CTAGE1: variants seen among roughly 807,000 people sequenced by gnomAD.
The protein encoded by CTAGE1 is cutaneous T cell lymphoma-associated antigen 1.
For missense variants in CTAGE1, 963 were observed against 855.9 expected (o/e 1.13, Z -1.56); for synonymous variants, 332 against 302.8 (o/e 1.10, Z -1.00).
Position 22,417,908 on chromosome 18 carries a change from G to T in CTAGE1, c.-97C>A. 8.3e-7 allele frequency: 1 copy of T among 1,210,920 alleles called. No homozygotes were observed. 75.0% of individuals were successfully genotyped at this position (1,210,920 alleles called of 1,614,324 possible). ...CCCTAGGCTCCTCCGTAGCGCCAAG[G>T]CTGCTCTGGCGGTTGCTGCAGTAAC... is the stretch of plus-strand genomic sequence containing the variant. On this transcript the variant is annotated 5_prime_UTR_variant, in exon 1 of 1. Transcript: ENST00000391403.
In CTAGE1 at chr18:22,414,849, A is replaced by T. The variant is rs763532215; in HGVS notation, c.*725T>A. On this transcript the variant is annotated 3_prime_UTR_variant, in exon 1 of 1. Coordinates refer to ENST00000391403, the MANE Select transcript of CTAGE1 (RefSeq NM_172241.3). ...CACAATTATGTAATGATATGATGAC[A>T]AACATAGGAAGAAATTAGCTTAGGG... 1.4e-6 allele frequency: 1 copy of T among 699,288 alleles called. No individual in the cohort carries two copies. Among genetic ancestry groups the T allele is most frequent in the South Asian group, 1.5e-5 (1 of 66,616 alleles). 43.3% of individuals were successfully genotyped at this position (699,288 alleles called of 1,614,324 possible). A position where few individuals can be genotyped will look rare whatever the true frequency, so the allele number is the denominator to read the frequency against.
chr18:22,416,375 T>A lies in CTAGE1; in HGVS notation c.1437A>T (p.Thr479=), dbSNP rs1364696831. The A allele has an allele frequency of 3.1e-6, 5 of 1,613,764 alleles. No individual in the cohort carries two copies. In the Admixed American group the frequency reaches 8.3e-5, roughly 27 times the overall value. ...ATGGGGAATGCTGTCTGCCAAATGC[T>A]GTATTTGGAACATCAAGTCCATAAG... The part of the protein sequence containing the change: ...KDPYGLDVPN[T]AFGRQHSPYG... Residue 479 remains threonine (T), a synonymous_variant, in exon 1 of 1, where the codon ACA becomes ACT. Coordinates refer to ENST00000391403, the MANE Select transcript of CTAGE1 (RefSeq NM_172241.3).
rs1424876909 is a variant in CTAGE1, at chr18:22,414,797, A to G, written c.*777T>C. 1.4e-6 allele frequency: 1 copy of G among 702,790 alleles called. No homozygotes were observed. Among genetic ancestry groups the G allele is most frequent in the Non-Finnish European group, 2.6e-6 (1 of 384,966 alleles). 43.5% of individuals were successfully genotyped at this position (702,790 alleles called of 1,614,324 possible). ...TTCTGGATAAAGTTGTTCCCACCAA[A>G]TAAAAATAAAACAAAAGAAATAACA... is the stretch of plus-strand genomic sequence containing the variant. On this transcript the variant is annotated 3_prime_UTR_variant, in exon 1 of 1. Transcript: ENST00000391403.
In CTAGE1 at chr18:22,417,474, T is replaced by C. The variant is rs892656855; in HGVS notation, c.338A>G (p.His113Arg). The C allele has an allele frequency of 2.5e-6, 4 of 1,613,914 alleles. No homozygotes were observed. In the African/African-American group the frequency reaches 4.0e-5, roughly 16 times the overall value. The change falls in exon 1 of 1, where the codon CAT (histidine) becomes CGT (arginine). Residue 113 changes from histidine (H) to arginine (R), a missense_variant. His to Arg is a conservative substitution (Grantham distance 29). Transcript: ENST00000391403. ...KLNRFNSELV[H>R]EILCLEKELK... ...CTCTTTTTCTAGACAGAGTATTTCA[T>C]GCACAAGTTCAGAATTGAACCTGTT...
chr18:22,414,702 A>G lies in CTAGE1; in HGVS notation c.*872T>C. 1.4e-6 allele frequency: 1 copy of G among 703,036 alleles called. No homozygotes were observed. Among genetic ancestry groups the G allele is most frequent in the East Asian group, 2.7e-5 (1 of 37,276 alleles). 43.5% of individuals were successfully genotyped at this position (703,036 alleles called of 1,614,324 possible). On this transcript the variant is annotated 3_prime_UTR_variant, in exon 1 of 1. Coordinates refer to ENST00000391403, the MANE Select transcript of CTAGE1 (RefSeq NM_172241.3). ...AACATAAAACTAAAACTATTAGAAC[A>G]CCAACAGAGGTAAAGGTTGGGAAAG... is the stretch of plus-strand genomic sequence containing the variant.
At position 22,416,444 on chromosome 18, in the gene CTAGE1, T is replaced by A. The variant is rs1415264716; in HGVS notation, c.1368A>T (p.Lys456Asn). 2 of 1,613,876 alleles carry A rather than the reference T, an allele frequency of 1.2e-6. No individual in the cohort carries two copies. Among genetic ancestry groups the A allele is most frequent in the Non-Finnish European group, 1.7e-6 (2 of 1,179,960 alleles). The change falls in exon 1 of 1, where the codon AAA becomes AAT. Residue 456 changes from lysine to asparagine, a missense_variant. Physicochemically the swap from Lys to Asn is moderately conservative, Grantham distance 94 (BLOSUM62 0). Transcript: ENST00000391403. ...TTATTTTAAACTCTATTTCAGTTAA[T>A]TTTTGTCTGTTGTGAGCATTTTCTT... ...LRKENAHNRQ[K>N]LTEIEFKIKL...
At position 22,416,346 on chromosome 18, in the gene CTAGE1, C is replaced by T; in HGVS notation, c.1466G>A (p.Gly489Asp). The change falls in exon 1 of 1, where the codon GGT becomes GAT. Residue 489 changes from glycine to aspartate, a missense_variant. Gly to Asp is a moderately conservative substitution (Grantham distance 94). Coordinates refer to ENST00000391403, the MANE Select transcript of CTAGE1 (RefSeq NM_172241.3). ...TAFGRQHSPY[G>D]PSPLGWPSSE... Reference sequence around the variant, plus strand: ...TGAAGGCCAACCCAATGGTGAGGGACCATATGGGGAATGCTGTCTGCCAAA... The same window carrying T: ...TGAAGGCCAACCCAATGGTGAGGGATCATATGGGGAATGCTGTCTGCCAAA... 6.2e-7 allele frequency: 1 copy of T among 1,613,926 alleles called. No individual in the cohort carries two copies. The highest frequency in any genetic ancestry group is 1.1e-5 in the South Asian group (1 of 91,068).
chr18:22,416,834 A>G lies in CTAGE1; in HGVS notation c.978T>C (p.Asn326=). ...GCAAAGATGCTTGTTCAGTCTGAAG[A>G]TTTTTAATATGCTCTGTAAGCTCTT... ...TKEELTEHIK[N]LQTEQASLQS... The change falls in exon 1 of 1, where the codon AAT becomes AAC. Residue 326 remains asparagine, a synonymous_variant. Transcript: ENST00000391403. The G allele has an allele frequency of 6.2e-7, 1 of 1,612,780 alleles. No individual in the cohort carries two copies. The highest frequency in any genetic ancestry group is 8.5e-7 in the Non-Finnish European group (1 of 1,179,808).
chr18:22,417,349 A>T lies in CTAGE1; in HGVS notation c.463T>A (p.Ser155Thr). The T allele has an allele frequency of 1.9e-6, 3 of 1,613,778 alleles. No homozygotes were observed. Among genetic ancestry groups the T allele is most frequent in the Non-Finnish European group, 2.5e-6 (3 of 1,179,796 alleles). Residue 155 changes from serine to threonine, a missense_variant, in exon 1 of 1, where the codon TCA becomes ACA. Physicochemically the swap from Ser to Thr is moderately conservative, Grantham distance 58 (BLOSUM62 1). Transcript: ENST00000391403. ...GTCATTTTGGCTTCAGCTACTTGTG[A>T]TTTGAGGGATTTTGACTCATCTTCT... ...SLEDESKSLK[S>T]QVAEAKMTFK...
rs1394711235 is a variant in CTAGE1 at position 22,413,768 on chromosome 18, G to A, written c.*1806C>T. On this transcript the variant is annotated 3_prime_UTR_variant, in exon 1 of 1. Transcript: ENST00000391403. ...AAGTAACGTTTTCAATCTCATTCAG[G>A]CCTATTCTGGGGAAAGGTGGCAAAG... 3.3e-5 allele frequency: 5 copies of A among 152,202 alleles called. No homozygotes were observed. Among genetic ancestry groups the A allele is most frequent in the Admixed American group, 3.3e-4 (5 of 15,280 alleles). 9.4% of individuals were successfully genotyped at this position (152,202 alleles called of 1,614,324 possible). A position where few individuals can be genotyped will look rare whatever the true frequency, so the allele number is the denominator to read the frequency against.
At position 22,414,680 on chromosome 18, in the gene CTAGE1, ATAAAAC is replaced by A. The variant is rs2034988066; in HGVS notation, c.*888_*893del. 2 of 702,848 alleles carry A rather than the reference ATAAAAC, an allele frequency of 2.8e-6. No homozygotes were observed. Among genetic ancestry groups the A allele is most frequent in the African/African-American group, 3.5e-5 (2 of 57,266 alleles). 43.5% of individuals were successfully genotyped at this position (702,848 alleles called of 1,614,324 possible). A position where few individuals can be genotyped will look rare whatever the true frequency, so the allele number is the denominator to read the frequency against. ...TGCCACAGCAAGAGAAAAGCAGAAC[ATAAAAC>A]TAAAACTATTAGAACACCAACAGAG... On this transcript the variant is annotated 3_prime_UTR_variant, in exon 1 of 1. Coordinates refer to ENST00000391403, the MANE Select transcript of CTAGE1 (RefSeq NM_172241.3).
chr18:22,416,169 C>T lies in CTAGE1; in HGVS notation c.1643G>A (p.Cys548Tyr), dbSNP rs2035012565. The change falls in exon 1 of 1, where the codon TGT (cysteine) becomes TAT (tyrosine). Residue 548 changes from cysteine to tyrosine, a missense_variant. Transcript: ENST00000391403. ...QITKERGESSCDRLTDPHRAP... is the reference protein window; with the variant it reads ...QITKERGESSYDRLTDPHRAP... ...CCTGTGAGGATCAGTTAACCTATCA[C>T]AGCTTGATTCTCCTCTTTCTTTGGT... 2 of 1,613,868 alleles carry T rather than the reference C, an allele frequency of 1.2e-6. No individual in the cohort carries two copies. Among genetic ancestry groups the T allele is most frequent in the Non-Finnish European group, 1.7e-6 (2 of 1,179,878 alleles).
In CTAGE1 at chr18:22,417,074, A is replaced by ATCTT; in HGVS notation, c.734_737dup (p.Asp246GlufsTer8). 6.2e-7 allele frequency: 1 copy of ATCTT among 1,613,918 alleles called. No homozygotes were observed. The highest frequency in any genetic ancestry group is 2.2e-5 in the East Asian group (1 of 44,868). Reference sequence around the variant, plus strand: ...CATCTTCTTCAAGCATAGCAACCCCATCTTTCATCTTTAGCAAGCGTTCAG... The same window carrying ATCTT: ...CATCTTCTTCAAGCATAGCAACCCCATCTTTCTTTCATCTTTAGCAAGCGTTCAG... On this transcript the variant is annotated frameshift_variant, in exon 1 of 1. Transcript: ENST00000391403. LOFTEE classifies it low-confidence loss of function (END_TRUNC).
At position 22,415,314 on chromosome 18, in the gene CTAGE1, A is replaced by G. The variant is rs1399504800; in HGVS notation, c.*260T>C. The G allele has an allele frequency of 2.4e-6, 1 of 411,116 alleles. No individual in the cohort carries two copies. The highest frequency in any genetic ancestry group is 6.0e-5 in the South Asian group (1 of 16,752). 25.5% of individuals were successfully genotyped at this position (411,116 alleles called of 1,614,324 possible). A position where few individuals can be genotyped will look rare whatever the true frequency, so the allele number is the denominator to read the frequency against. On this transcript the variant is annotated 3_prime_UTR_variant, in exon 1 of 1. Transcript: ENST00000391403. The stretch of plus-strand genomic sequence containing the variant: ...ACTATCTAGAATAAAATAAAATGAA[A>G]TAATTTACTCATAAGATTCATATTT...
Position 22,416,497 on chromosome 18 carries a change from C to T in CTAGE1, c.1315G>A (p.Ala439Thr). 1 of 1,614,018 alleles carries T rather than the reference C, an allele frequency of 6.2e-7. No homozygotes were observed. The highest frequency in any genetic ancestry group is 8.5e-7 in the Non-Finnish European group (1 of 1,179,960). ...AHDNWSAAWT[A>T]ERNLNDLRKE... is the part of the protein sequence containing the mutation. ...CTTAAATCATTGAGGTTTCTTTCAG[C>T]AGTCCAAGCTGCCGACCAATTATCA... The change falls in exon 1 of 1, where the codon GCT (alanine) becomes ACT (threonine). Residue 439 changes from alanine to threonine, a missense_variant. Transcript: ENST00000391403.
In CTAGE1 at chr18:22,417,720, C is replaced by T. The variant is rs2035034182; in HGVS notation, c.92G>A (p.Arg31Lys). Residue 31 changes from arginine to lysine, a missense_variant, in exon 1 of 1, where the codon AGA becomes AAA. Physicochemically the swap from Arg to Lys is conservative, Grantham distance 26. Transcript: ENST00000391403. ...AGFFAVLFLW[R>K]SFRSVTSRLY... ...CCGACTCGTAACTGATCTAAAACTT[C>T]TCCACAAGAAGAGAACAGCAAAAAA... 1 of 1,614,160 alleles carries T rather than the reference C, an allele frequency of 6.2e-7. No individual in the cohort carries two copies. Among genetic ancestry groups the T allele is most frequent in the Non-Finnish European group, 8.5e-7 (1 of 1,179,998 alleles).
rs376613924 is a variant in CTAGE1, at chr18:22,415,676, T to C, written c.2136A>G (p.Pro712=). 4 of 1,614,108 alleles carry C rather than the reference T, an allele frequency of 2.5e-6. No homozygotes were observed. The highest frequency in any genetic ancestry group is 3.3e-5 in the Admixed American group (2 of 60,018). The part of the protein sequence containing the change: ...DYFSPRDVPG[P]PRAPFAMRNV... ...TTCTCATTGCAAATGGAGCACGTGGTGGACCTGGGACATCCCTTGGAGAAA... is the reference window on the plus strand; with the variant it reads ...TTCTCATTGCAAATGGAGCACGTGGCGGACCTGGGACATCCCTTGGAGAAA... Residue 712 remains proline (P), a synonymous_variant, in exon 1 of 1, where the codon CCA becomes CCG. Coordinates refer to ENST00000391403, the MANE Select transcript of CTAGE1 (RefSeq NM_172241.3).
Position 22,414,913 on chromosome 18 carries a change from CTT to C in CTAGE1, c.*659_*660del. ...GGAAAGGGAGGGCGAAGAAACCATTCTTGAGGAAAACAGAGGAAACACGAATA... is the reference window on the plus strand; with the variant it reads ...GGAAAGGGAGGGCGAAGAAACCATTCGAGGAAAACAGAGGAAACACGAATA... On this transcript the variant is annotated 3_prime_UTR_variant, in exon 1 of 1. Transcript: ENST00000391403. 1.5e-6 allele frequency: 1 copy of C among 659,044 alleles called. No individual in the cohort carries two copies. The highest frequency in any genetic ancestry group is 2.7e-5 in the East Asian group (1 of 36,980). 40.8% of individuals were successfully genotyped at this position (659,044 alleles called of 1,614,324 possible).
chr18:22,413,678 C>T lies in CTAGE1; in HGVS notation c.*1896G>A, dbSNP rs1394627995. ...AGGTTCATGGAAAAAAATTAGTAGT[C>T]ATTCAACAAAAGCAAATATTATTTT... On this transcript the variant is annotated 3_prime_UTR_variant, in exon 1 of 1. Coordinates refer to ENST00000391403, the MANE Select transcript of CTAGE1 (RefSeq NM_172241.3). The T allele has an allele frequency of 1.3e-5, 2 of 152,160 alleles. No homozygotes were observed. The highest frequency in any genetic ancestry group is 2.9e-5 in the Non-Finnish European group (2 of 68,032). 9.4% of individuals were successfully genotyped at this position (152,160 alleles called of 1,614,324 possible).
Sources: gnomAD v4.1 joint callset for allele counts on GRCh38, gnomAD v4.1.1 for gene constraint, MANE v1.5 for transcripts, NCBI Gene and HGNC (gene_info 2026-07-23, HGNC 2026-07-21) for gene names.